Variants in RPGRIP1 observed in about 807,000 individuals in gnomAD.
The protein encoded by RPGRIP1 is X-linked retinitis pigmentosa GTPase regulator-interacting protein 1.
RPGRIP1 carries 128 observed loss-of-function variants against 157.9 expected under a neutral mutation model. The ratio of observed to expected loss-of-function variants is 0.81; its 90% CI spans 0.70 to 0.94. The LOEUF (loss-of-function observed/expected upper bound fraction) is 0.94, where lower values mean the gene tolerates loss of function less well. Ranked by LOEUF, RPGRIP1 falls within the 40% of genes least tolerant of loss-of-function variation. The pLI is 0.00. For missense variants in RPGRIP1, 1,486 were observed against 1,545.8 expected, an observed-to-expected ratio of 0.96 and a Z score of 0.65; for synonymous variants, 554 against 571.6, an observed-to-expected ratio of 0.97 and a Z score of 0.44.
At chr14:21,288,466 C>G (rs896951643) in intron 2 of RPGRIP1, among the ~76,000 whole-genome samples, 5 of 151,498 alleles carry the variant, frequency 3.3e-5, no homozygotes, top group African/African-American at 1.2e-4. Context: ...CAGGTGTGAG[C>G]CACTGTGCCT....
intron 3 of RPGRIP1, among the ~76,000 whole-genome samples, chr14:21,298,731 G>A (rs571088620): frequency 1.3e-4 from 19 of 151,766 alleles, no homozygotes; most frequent in Non-Finnish European, 2.2e-4. Flanking sequence ...CACTAGGTCC[G>A]GAGTTCAAGA....
Position 21,334,750 on chromosome 14 carries a change from A to C in RPGRIP1, c.3339+45A>C, listed in dbSNP as rs753954422. On this transcript the variant is annotated intron_variant, in intron 21 of 24. Transcript: ENST00000400017. ...CATTGCATACGAGATAAGACGATAA[A>C]TAATGACAGTGGCCAGTCATGGGGG... 4 of 1,306,486 alleles carry C rather than the reference A, an allele frequency of 3.1e-6. No individual in the cohort carries two copies. The East Asian group carries it at 9.9e-5, about 32-fold the overall frequency. 80.9% of individuals were successfully genotyped at this position (1,306,486 alleles called of 1,614,324 possible). A position where few individuals can be genotyped will look rare whatever the true frequency, so the allele number is the denominator to read the frequency against.
chr14:21,281,703 T>TAAA (rs371326975), intron 1 of RPGRIP1, among the ~76,000 whole-genome samples: 2 of 62,276 alleles, frequency 3.2e-5, no homozygotes, highest in African/African-American at 1.2e-4. Flanking sequence ...AAAAAAAAAA[T>TAAA]AAATAATAAT....
Position 21,348,265 on chromosome 14 carries a change from G to T in RPGRIP1, c.3711G>T (p.Leu1237=). 1 of 1,589,940 alleles carries T rather than the reference G, an allele frequency of 6.3e-7. No homozygotes were observed. The highest frequency in any genetic ancestry group is 8.6e-7 in the Non-Finnish European group (1 of 1,168,368). ...GYAYLQLWQI[L]ESGRDILEQE... is the part of the protein sequence containing the mutation. Reference sequence around the variant, plus strand: ...CATATCTTCAACTGTGGCAGATCCTGGAGTCAGGAAGAGATATTCTAGAGC... The same window carrying T: ...CATATCTTCAACTGTGGCAGATCCTTGAGTCAGGAAGAGATATTCTAGAGC... Residue 1237 remains leucine, a synonymous_variant, in exon 24 of 25, where the codon CTG becomes CTT. Transcript: ENST00000400017.
At chr14:21,297,834 A>ATTTTTTTTCTTTCTTTCT (rs146421534) in intron 3 of RPGRIP1, among the ~76,000 whole-genome samples, 3 of 133,216 alleles carry the variant, frequency 2.3e-5, no homozygotes, top group East Asian at 4.3e-4. Flanking sequence ...TCAATAAATT[A>ATTTTTTTTCTTTCTTTCT]TTCTTTCTTT....
chr14:21,280,679 C>T (rs1880094600), intron 1 of RPGRIP1, among the ~76,000 whole-genome samples: 1 of 152,118 alleles, frequency 6.6e-6, no homozygotes, highest in African/African-American at 2.4e-5. Context: ...GATTCTCCTT[C>T]CTCAGTGTCT....
At chr14:21,333,952 GTC>G (rs1454791797) in intron 20 of RPGRIP1, among the ~76,000 whole-genome samples, 28 of 144,346 alleles carry the variant, frequency 1.9e-4, no homozygotes, top group African/African-American at 6.9e-4. Flanking sequence ...TTGAGACAGA[GTC>G]TCTTGTCGCC....
At chr14:21,313,315 A>G (rs1373318321) in intron 10 of RPGRIP1, among the ~76,000 whole-genome samples, 2 of 150,682 alleles carry the variant, frequency 1.3e-5, no homozygotes, top group East Asian at 3.9e-4. Context: ...CTGTCTGGGC[A>G]ATATAGTGAG....
At chr14:21,293,796 G>A (rs1276223744) in intron 2 of RPGRIP1, among the ~76,000 whole-genome samples, 1 of 151,916 alleles carries the variant, frequency 6.6e-6, no homozygotes, top group Non-Finnish European at 1.5e-5. Context: ...GGAGAATGGT[G>A]TGGACCTGGG....
At chr14:21,343,731 A>G (rs1885256381) in intron 22 of RPGRIP1, among the ~76,000 whole-genome samples, 3 of 151,928 alleles carry the variant, frequency 2.0e-5, no homozygotes, top group Admixed American at 2.0e-4. Flanking sequence ...ACCTCAAGTG[A>G]TCTGCCTGCC....
intron 19 of RPGRIP1, 44 bp from the exon 20 acceptor site, chr14:21,330,205 C>A (rs752326914): frequency 9.2e-6 from 13 of 1,409,650 alleles, no homozygotes; most frequent in Non-Finnish European, 1.1e-5. Flanking sequence ...GAAAGAAAAC[C>A]AAGATATTAC....
At chr14:21,331,204 C>T (rs564649371) in intron 20 of RPGRIP1, among the ~76,000 whole-genome samples, 4 of 151,850 alleles carry the variant, frequency 2.6e-5, no homozygotes, top group South Asian at 4.2e-4. Flanking sequence ...CCACTGCACC[C>T]GACCTAGTTT....
At chr14:21,302,628 T>A in intron 5 of RPGRIP1, 44 bp downstream of exon 5, 2 of 1,191,876 alleles carry the variant, frequency 1.7e-6, no homozygotes, top group Non-Finnish European at 2.4e-6. Flanking sequence ...CCTGCCACTT[T>A]AATTAGAAAG....
intron 13 of RPGRIP1, 60 bp downstream of exon 13, chr14:21,321,462 G>T: frequency 6.4e-7 from 1 of 1,563,190 alleles, no homozygotes; most frequent in South Asian, 1.2e-5. Flanking sequence ...ACCACTCACA[G>T]GACTGGGAAT....
intron 2 of RPGRIP1, 120 bp downstream of exon 2, chr14:21,288,181 T>A: frequency 8.9e-6 from 1 of 112,228 alleles, no homozygotes; most frequent in Non-Finnish European, 1.9e-5. Context: ...GTCTTCTCAC[T>A]TTTTTTTTTT....
chr14:21,307,600 G>T (rs1348969977), intron 6 of RPGRIP1, 131 bp from the exon 7 acceptor site: 18 of 629,926 alleles, frequency 2.9e-5, no homozygotes, highest in Non-Finnish European at 4.9e-5. Flanking sequence ...CCACATACTT[G>T]TGTTCTAGTG....
chr14:21,315,506 C>CAA (rs558117742), intron 10 of RPGRIP1, among the ~76,000 whole-genome samples: 7,071 of 97,812 alleles, frequency 0.072, 313 homozygotes, highest in East Asian at 0.29. Context: ...GACTCCGTCT[C>CAA]AAAAAAAAAA....
chr14:21,327,683 A>T lies in RPGRIP1; in HGVS notation c.2771A>T (p.Asp924Val). The change falls in exon 18 of 25, where the codon GAT becomes GTT. Residue 924 changes from aspartate (D) to valine (V), a missense_variant. Transcript: ENST00000400017. Reference protein sequence around the residue: ...KPNGSIQVQLDWKFPYIPPES... With the variant: ...KPNGSIQVQLVWKFPYIPPES... Reference sequence around the variant, plus strand: ...AACGGATCTATTCAAGTGCAACTGGATTGGAAGTTTCCCTACATACCCCCT... The same window carrying T: ...AACGGATCTATTCAAGTGCAACTGGTTTGGAAGTTTCCCTACATACCCCCT... 1.2e-6 allele frequency: 2 copies of T among 1,613,974 alleles called. No homozygotes were observed. Among genetic ancestry groups the T allele is most frequent in the East Asian group, 2.2e-5 (1 of 44,874 alleles).
intron 23 of RPGRIP1, among the ~76,000 whole-genome samples, chr14:21,347,182 T>A (rs756417638): frequency 6.6e-6 from 1 of 152,268 alleles, no homozygotes; most frequent in Non-Finnish European, 1.5e-5. Flanking sequence ...TTTGCCAGTA[T>A]GGTCTAGCAG....
Sources: allele counts gnomAD v4.1 joint callset (sites outside exome capture counted in the v4.1 genomes callset), GRCh38; gene constraint gnomAD v4.1.1; transcripts MANE v1.5; gene names NCBI Gene and HGNC (gene_info 2026-07-23, HGNC 2026-07-21).